Variants in STIMATE observed in about 807,000 individuals in gnomAD.
STIMATE encodes STIM activating enhancer.
STIMATE carries 15 observed loss-of-function variants against 36.7 expected under a neutral mutation model. The observed-to-expected ratio is 0.41, with a 90% confidence interval of 0.27 to 0.63. The LOEUF (loss-of-function observed/expected upper bound fraction) is 0.63, where lower values mean the gene tolerates loss of function less well. STIMATE is among the 20% of genes least tolerant of loss of function. STIMATE has a pLI of 0.32. For synonymous variants in STIMATE, 163 were observed against 162.3 expected (o/e 1.00, Z -0.03); for missense variants, 305 against 397.3 (o/e 0.77, Z 1.98).
Position 52,896,204 on chromosome 3 carries a change from G to A in STIMATE, c.160+1087C>T, listed in dbSNP as rs575531471. On this transcript the variant is annotated intron_variant, in intron 1 of 7. Transcript: ENST00000355083. ...CCACTCCAGCAACTGGACCCCACAA[G>A]ACAAAGGCACACAGCTGCAAGATCC... Among the ~76,000 whole-genome samples, 11 of 152,260 alleles carry A rather than the reference G, an allele frequency of 7.2e-5. No individual in the cohort carries two copies. In the South Asian group the frequency reaches 1.9e-3, roughly 26 times the overall value.
chr3:52,886,474 G>C (rs1243933075), intron 1 of STIMATE, among the ~76,000 whole-genome samples: 1 of 152,158 alleles, frequency 6.6e-6, no homozygotes, highest in Admixed American at 6.5e-5. Context: ...ATCTCATAGG[G>C]ATAATATGAA....
At chr3:52,862,693 T>C (rs1701237709) in intron 1 of STIMATE, among the ~76,000 whole-genome samples, 1 of 152,238 alleles carries the variant, frequency 6.6e-6, no homozygotes, top group African/African-American at 2.4e-5. Flanking sequence ...GCAATGATAA[T>C]GGCTGAATGG....
chr3:52,863,296 G>A (rs1701248399), intron 1 of STIMATE, among the ~76,000 whole-genome samples: 1 of 152,130 alleles, frequency 6.6e-6, no homozygotes, highest in Non-Finnish European at 1.5e-5. Flanking sequence ...CATGGCGGGA[G>A]GCAAAAGGCA....
intron 1 of STIMATE, among the ~76,000 whole-genome samples, chr3:52,891,212 C>T (rs1029093876): frequency 6.6e-6 from 1 of 152,044 alleles, no homozygotes. Flanking sequence ...TGGAAAAAGC[C>T]GGCAGGCACA....
At chr3:52,852,401 A>G (rs917934806) in intron 3 of STIMATE, among the ~76,000 whole-genome samples, 2 of 152,252 alleles carry the variant, frequency 1.3e-5, no homozygotes, top group African/African-American at 4.8e-5. Flanking sequence ...GTCAACACGC[A>G]AAGCCCTACA....
At chr3:52,859,933 C>T (rs1701186750) in intron 1 of STIMATE, among the ~76,000 whole-genome samples, 1 of 151,852 alleles carries the variant, frequency 6.6e-6, no homozygotes, top group Non-Finnish European at 1.5e-5. Flanking sequence ...TATAGGAGCA[C>T]CTTTGATCAA....
At chr3:52,853,272 A>C (rs1484397507) in intron 2 of STIMATE, among the ~76,000 whole-genome samples, 1 of 152,232 alleles carries the variant, frequency 6.6e-6, no homozygotes, top group Non-Finnish European at 1.5e-5. Context: ...CAGCTATTCC[A>C]ATCATACACA....
At chr3:52,846,042 G>A (rs1187185114) in intron 4 of STIMATE, among the ~76,000 whole-genome samples, 3 of 152,222 alleles carry the variant, frequency 2.0e-5, no homozygotes, top group Non-Finnish European at 4.4e-5. Flanking sequence ...TATTGTTTCT[G>A]CAGCAATCCC....
chr3:52,876,080 C>T (rs188455781), intron 1 of STIMATE, among the ~76,000 whole-genome samples: 11 of 152,380 alleles, frequency 7.2e-5, no homozygotes, highest in African/African-American at 1.9e-4. Context: ...AGTCTCATCA[C>T]ATAAGGTGTT....
intron 1 of STIMATE, among the ~76,000 whole-genome samples, chr3:52,862,523 T>C (rs1282526977): frequency 6.6e-6 from 1 of 152,256 alleles, no homozygotes; most frequent in Non-Finnish European, 1.5e-5. Context: ...AGAATCAAAG[T>C]ACATCTTTTG....
chr3:52,845,935 T>C (rs56267614), intron 4 of STIMATE, among the ~76,000 whole-genome samples: 120,534 of 130,016 alleles, frequency 0.93, 55,636 homozygotes, highest in Non-Finnish European at 1. Context: ...ATTTTGGGGG[T>C]GGCGGGGGGG....
intron 1 of STIMATE, among the ~76,000 whole-genome samples, chr3:52,873,610 A>C (rs1701447462): frequency 6.6e-6 from 1 of 152,194 alleles, no homozygotes; most frequent in South Asian, 2.1e-4. Context: ...CAGAGATATC[A>C]GAGTTGCTGC....
In STIMATE at chr3:52,897,403, C is replaced by T. The variant is rs758941577; in HGVS notation, c.48G>A (p.Pro16=). Residue 16 remains proline, a synonymous_variant, in exon 1 of 8, where the codon CCG becomes CCA. Coordinates refer to ENST00000355083, the MANE Select transcript of STIMATE (RefSeq NM_198563.5). ...CCGCCCCGGACGCGACTGTGGAGGG[C>T]GGCCCGCCTGGCAGTCCCCGGCTCG... ...GNASRGLPGG[P]PSTVASGAGR... is the part of the protein sequence containing the mutation. The T allele has an allele frequency of 4.0e-6, 6 of 1,484,134 alleles. No homozygotes were observed. The highest frequency in any genetic ancestry group is 3.8e-5 in the South Asian group (3 of 79,034). 91.9% of individuals were successfully genotyped at this position (1,484,134 alleles called of 1,614,324 possible).
At chr3:52,874,361 G>C (rs1020940876) in intron 1 of STIMATE, among the ~76,000 whole-genome samples, 1 of 152,118 alleles carries the variant, frequency 6.6e-6, no homozygotes, top group Non-Finnish European at 1.5e-5. Context: ...TCATTAAAAC[G>C]GTCAATGTGT....
chr3:52,866,734 C>A (rs1040002950), intron 1 of STIMATE, among the ~76,000 whole-genome samples: 3 of 152,198 alleles, frequency 2.0e-5, no homozygotes, highest in African/African-American at 7.2e-5. Flanking sequence ...TGGCGCTCCA[C>A]GTGGACCCAC....
intron 1 of STIMATE, among the ~76,000 whole-genome samples, chr3:52,865,426 C>T (rs568675010): frequency 6.6e-6 from 1 of 151,934 alleles, no homozygotes. Flanking sequence ...AAGATGCATC[C>T]AAGACTGGGA....
chr3:52,884,814 T>G (rs1701666232), intron 1 of STIMATE, among the ~76,000 whole-genome samples: 1 of 152,230 alleles, frequency 6.6e-6, no homozygotes, highest in Non-Finnish European at 1.5e-5. Context: ...TCCATTCATG[T>G]GTTGTTGAAC....
intron 1 of STIMATE, among the ~76,000 whole-genome samples, chr3:52,858,826 C>G (rs1701151648): frequency 6.6e-6 from 1 of 152,082 alleles, no homozygotes. Context: ...CCATATGACA[C>G]AGTACATACG....
chr3:52,867,451 A>C (rs1701330432), intron 1 of STIMATE, among the ~76,000 whole-genome samples: 1 of 152,218 alleles, frequency 6.6e-6, no homozygotes, highest in African/African-American at 2.4e-5. Context: ...GGTGCTCTGG[A>C]AGCCATGAGC....
Sources: gnomAD v4.1 joint callset for allele counts (sites outside exome capture counted in the v4.1 genomes callset) on GRCh38, gnomAD v4.1.1 for gene constraint, MANE v1.5 for transcripts, NCBI Gene and HGNC (gene_info 2026-07-23, HGNC 2026-07-21) for gene names.